HECW2: variants seen among roughly 807,000 people sequenced by gnomAD.
HECW2 encodes E3 ubiquitin-protein ligase HECW2.
In HECW2, 61 loss-of-function variants were observed where a neutral mutation model predicts 175.2. That is an observed-to-expected ratio of 0.35 (90% CI 0.28 to 0.43). The LOEUF is 0.43. HECW2 is among the 20% of genes least tolerant of loss of function. The pLI is 1.00. For synonymous variants in HECW2, 671 were observed against 731.0 expected, an observed-to-expected ratio of 0.92 and a Z score of 1.32; for missense variants, 1,524 against 2,000.5, an observed-to-expected ratio of 0.76 and a Z score of 4.54.
At chr2:196,328,447 T>C (rs1205814801) in intron 5 of HECW2, among the ~76,000 whole-genome samples, 2 of 152,100 alleles carry the variant, frequency 1.3e-5, no homozygotes, top group African/African-American at 2.4e-5. Flanking sequence ...CAAGCTCATA[T>C]GGGAAAAGGA....
In HECW2 at chr2:196,381,487, C is replaced by T. The variant is rs539201473; in HGVS notation, c.293-37723G>A. On this transcript the variant is annotated intron_variant, in intron 2 of 28. Coordinates refer to ENST00000644978, the MANE Select transcript of HECW2 (RefSeq NM_001348768.2). ...AACAGTGAAATTTTCAAGCAGGTCACTGGTTTCTCATAGCGTCAGGATTAT... is the reference window on the plus strand; with the variant it reads ...AACAGTGAAATTTTCAAGCAGGTCATTGGTTTCTCATAGCGTCAGGATTAT... Among the ~76,000 whole-genome samples, 4 of 152,256 alleles carry T rather than the reference C, an allele frequency of 2.6e-5. No individual in the cohort carries two copies. The East Asian group carries it at 7.7e-4, about 29-fold the overall frequency.
intron 1 of HECW2, among the ~76,000 whole-genome samples, chr2:196,471,977 TAA>T (rs34039865): frequency 3.8e-5 from 5 of 130,200 alleles, no homozygotes; most frequent in Non-Finnish European, 3.4e-5. Context: ...AACAAAAGTT[TAA>T]AAAAAAAAAA....
intron 16 of HECW2, among the ~76,000 whole-genome samples, chr2:196,273,442 C>T (rs1368899897): frequency 1.3e-5 from 2 of 152,154 alleles, no homozygotes; most frequent in Non-Finnish European, 2.9e-5. Flanking sequence ...CTGCCTCAGG[C>T]GCTCCAGGTT....
In HECW2 at chr2:196,507,176, T is replaced by TACACACACTAATATGTGTATATTAC. The variant is rs1559148737; in HGVS notation, c.-35-73743_-35-73719dup. Among the ~76,000 whole-genome samples, 1,054 of 151,430 alleles carry TACACACACTAATATGTGTATATTAC rather than the reference T, an allele frequency of 7.0e-3. 21 individuals are homozygous for TACACACACTAATATGTGTATATTAC. The highest frequency in any genetic ancestry group is 0.024 in the African/African-American group (1,005 of 41,232). On this transcript the variant is annotated intron_variant, in intron 1 of 28. Transcript: ENST00000644978. ...TATTATACACACACTATGTGTATAT[T>TACACACACTAATATGTGTATATTAC]ACACACACTAATATGTGTATATTAC...
At position 196,227,962 on chromosome 2, in the gene HECW2, A is replaced by G. The variant is rs528194079; in HGVS notation, c.3917+140T>C. On this transcript the variant is annotated intron_variant, in intron 22 of 28. Transcript: ENST00000644978. ...TATATTTAAATTTGACAATAAAAAC[A>G]AGAGTCAAATGAGGTATTTAACTGA... is the stretch of plus-strand genomic sequence containing the variant. 1.9e-4 allele frequency: 129 copies of G among 680,866 alleles called. 3 individuals carry two copies. In the South Asian group the frequency reaches 3.3e-3, roughly 17 times the overall value. 42.2% of individuals were successfully genotyped at this position (680,866 alleles called of 1,614,324 possible).
At chr2:196,384,361 G>A (rs757594859) in intron 2 of HECW2, among the ~76,000 whole-genome samples, 7 of 151,962 alleles carry the variant, frequency 4.6e-5, no homozygotes, top group Middle Eastern at 3.2e-3. Context: ...CAGGAGGATC[G>A]CTTGAGCCCA....
At chr2:196,398,868 C>A (rs1694742630) in intron 2 of HECW2, among the ~76,000 whole-genome samples, 1 of 152,066 alleles carries the variant, frequency 6.6e-6, no homozygotes, top group Non-Finnish European at 1.5e-5. Context: ...CAGCTACTTG[C>A]ATTTGGGAGG....
intron 1 of HECW2, among the ~76,000 whole-genome samples, chr2:196,583,249 C>A (rs1331395015): frequency 6.6e-6 from 1 of 152,178 alleles, no homozygotes; most frequent in East Asian, 1.9e-4. Flanking sequence ...TATCTTCTGG[C>A]CTGGCAAGCT....
chr2:196,543,332 C>G (rs1248654708), intron 1 of HECW2, among the ~76,000 whole-genome samples: 1 of 150,394 alleles, frequency 6.6e-6, no homozygotes, highest in African/African-American at 2.4e-5. Context: ...AAAAAATGTT[C>G]TGTGTGTAGA....
At position 196,319,260 on chromosome 2, in the gene HECW2, C is replaced by A; in HGVS notation, c.1630G>T (p.Gly544Cys). 1 of 1,604,570 alleles carries A rather than the reference C, an allele frequency of 6.2e-7. No individual in the cohort carries two copies. The highest frequency in any genetic ancestry group is 8.5e-7 in the Non-Finnish European group (1 of 1,175,788). The change falls in exon 9 of 29, where the codon GGC becomes TGC. Residue 544 changes from glycine (G) to cysteine (C), a missense_variant. This residue lies in a region of HECW2 where 604 missense variants were observed against 588.3 expected (regional missense o/e 1.03). Transcript: ENST00000644978. ...CCTTCACCTTCCTCTGGGGCTGGGC[C>A]TGCAGGTAAGGAGCTCTCTGCAAGC... ...PELAESSLPA[G>C]PAPEEGEGGP...
chr2:196,204,411 G>A (rs1252420268), intron 28 of HECW2, among the ~76,000 whole-genome samples: 3 of 152,030 alleles, frequency 2.0e-5, no homozygotes, highest in South Asian at 4.1e-4. Context: ...TAAAGCCTTA[G>A]GATTTCTTAT....
At chr2:196,228,053 A>G (rs1687917476) in intron 22 of HECW2, 49 bp downstream of exon 22, 4 of 1,460,806 alleles carry the variant, frequency 2.7e-6, no homozygotes, top group Non-Finnish European at 3.6e-6. Flanking sequence ...AAAAAAACTA[A>G]TATCATAGGA....
chr2:196,246,547 G>A (rs1265755634), intron 19 of HECW2, among the ~76,000 whole-genome samples: 1 of 141,758 alleles, frequency 7.1e-6, no homozygotes, highest in Non-Finnish European at 1.6e-5. Context: ...ACCACGCCCG[G>A]CTAATTATTT....
intron 1 of HECW2, among the ~76,000 whole-genome samples, chr2:196,490,817 C>A (rs1449170501): frequency 6.6e-6 from 1 of 152,046 alleles, no homozygotes; most frequent in Non-Finnish European, 1.5e-5. Context: ...CATGAATGAA[C>A]CTCAAAAACA....
intron 1 of HECW2, chr2:196,586,607 T>C (rs575669657): frequency 2.6e-5 from 4 of 152,248 alleles, no homozygotes; most frequent in African/African-American, 7.2e-5. Context: ...ATGAAGTGGG[T>C]AGCATGTGGA....
chr2:196,462,569 C>A (rs950336220), intron 1 of HECW2, among the ~76,000 whole-genome samples: 21 of 152,132 alleles, frequency 1.4e-4, no homozygotes, highest in African/African-American at 4.8e-4. Context: ...AAACAGGTAT[C>A]TTTTTTATTA....
chr2:196,345,324 C>A (rs1156933823), intron 2 of HECW2, among the ~76,000 whole-genome samples: 1 of 152,198 alleles, frequency 6.6e-6, no homozygotes, highest in Non-Finnish European at 1.5e-5. Context: ...ACCTTGCCAA[C>A]TGAACCCCAA....
intron 24 of HECW2, 70 bp from the exon 25 acceptor site, chr2:196,221,011 T>C: frequency 6.5e-7 from 1 of 1,540,754 alleles, no homozygotes; most frequent in East Asian, 2.2e-5. Flanking sequence ...TTACTAGCAT[T>C]GAGCTGAAAT....
chr2:196,433,814 C>A (rs1695789145), intron 1 of HECW2, among the ~76,000 whole-genome samples: 1 of 152,220 alleles, frequency 6.6e-6, no homozygotes, highest in Admixed American at 6.5e-5. Flanking sequence ...TTCCATCCCA[C>A]ACACATATTT....
Sources: allele counts gnomAD v4.1 joint callset (sites outside exome capture counted in the v4.1 genomes callset), GRCh38; gene constraint gnomAD v4.1.1; regional missense constraint gnomAD v4.1.1; transcripts MANE v1.5; gene names NCBI Gene and HGNC (gene_info 2026-07-23, HGNC 2026-07-21).